The following ADORA2A variants were observed in gnomAD, a reference collection of about 807,000 sequenced individuals.
The protein encoded by ADORA2A is adenosine A2a receptor.
In ADORA2A, 11 loss-of-function variants were observed where a neutral mutation model predicts 18.4. The ratio of observed to expected loss-of-function variants is 0.60; its 90% confidence interval spans 0.38 to 0.99. The LOEUF (loss-of-function observed/expected upper bound fraction) is 0.99. Ranked by LOEUF, ADORA2A falls within the 50% of genes least tolerant of loss-of-function variation. ADORA2A has a pLI of 0.01. For missense variants in ADORA2A, 449 were observed against 556.1 expected (o/e 0.81, Z 1.94); for synonymous variants, 218 against 237.3 (o/e 0.92, Z 0.75).
rs150543676 is a variant in ADORA2A, at chr22:24,436,558, G to A, written c.332+2822G>A. Reference sequence around the variant, plus strand: ...AGCTCTCTGTGTTCCCAGAGGATAGGGAATTCAGGGTGAGAGACACAGGCT... The same window carrying A: ...AGCTCTCTGTGTTCCCAGAGGATAGAGAATTCAGGGTGAGAGACACAGGCT... On this transcript the variant is annotated intron_variant, in intron 2 of 2. Coordinates refer to ENST00000337539, the MANE Select transcript of ADORA2A (RefSeq NM_000675.6). Among the ~76,000 whole-genome samples the A allele has an allele frequency of 3.1e-3, 474 of 152,330 alleles. 3 individuals carry two copies. Among genetic ancestry groups the A allele is most frequent in the African/African-American group, 0.011 (441 of 41,560 alleles).
intron 1 of ADORA2A, chr22:24,430,797 T>C: frequency 3.3e-6 from 1 of 301,002 alleles, no homozygotes; most frequent in Non-Finnish European, 6.6e-6. Flanking sequence ...GGCTGTGGCA[T>C]CCTTCAATGC....
At chr22:24,431,957 C>T (rs1200043818) in intron 1 of ADORA2A, among the ~76,000 whole-genome samples, 1 of 152,172 alleles carries the variant, frequency 6.6e-6, no homozygotes, top group East Asian at 1.9e-4. Context: ...ATTTGGGGTC[C>T]AGCTGCCTCA....
In ADORA2A at chr22:24,441,717, G is replaced by C. The variant is rs2043349169; in HGVS notation, c.*228G>C. ...TTCATGCTGTGAGGCCTTGCACCAG[G>C]TGGGGGCCACAGCACCAGCAGCATC... is the stretch of plus-strand genomic sequence containing the variant. On this transcript the variant is annotated 3_prime_UTR_variant, in exon 3 of 3. Coordinates refer to ENST00000337539, the MANE Select transcript of ADORA2A (RefSeq NM_000675.6). The C allele has an allele frequency of 2.4e-6, 1 of 415,566 alleles. No individual in the cohort carries two copies. Among genetic ancestry groups the C allele is most frequent in the African/African-American group, 2.0e-5 (1 of 49,332 alleles). 25.7% of individuals were successfully genotyped at this position (415,566 alleles called of 1,614,324 possible).
At position 24,441,630 on chromosome 22, in the gene ADORA2A, G is replaced by A. The variant is rs1335608124; in HGVS notation, c.*141G>A. ...TCCTACTTTGGACTGAGAGAAGGGA[G>A]CCCCAGGCTGGAGCAGCATGAGGCC... On this transcript the variant is annotated 3_prime_UTR_variant, in exon 3 of 3. Coordinates refer to ENST00000337539, the MANE Select transcript of ADORA2A (RefSeq NM_000675.6). The A allele has an allele frequency of 5.9e-6, 5 of 854,408 alleles. No individual in the cohort carries two copies. The Admixed American group carries it at 1.1e-4, about 19-fold the overall frequency. The allele number at this position is 854,408 out of a possible 1,614,324, so 52.9% of individuals were successfully genotyped here.
At chr22:24,435,601 G>C (rs1332982516) in intron 2 of ADORA2A, among the ~76,000 whole-genome samples, 3 of 152,168 alleles carry the variant, frequency 2.0e-5, no homozygotes, top group African/African-American at 7.2e-5. Flanking sequence ...GCCTCTCTCT[G>C]GGCCCATTTC....
chr22:24,431,664 T>C (rs1310905678), intron 1 of ADORA2A: 1 of 372,998 alleles, frequency 2.7e-6, no homozygotes, highest in Non-Finnish European at 5.3e-6. Flanking sequence ...AACACACTCA[T>C]AGGGCCCCAT....
At chr22:24,432,164 G>C (rs1218534215) in intron 1 of ADORA2A, 1 of 153,476 alleles carries the variant, frequency 6.5e-6, no homozygotes, top group East Asian at 1.9e-4. Flanking sequence ...CCGAGTGGAA[G>C]CTCACAGTCA....
At chr22:24,439,869 T>A (rs1172098345) in intron 2 of ADORA2A, among the ~76,000 whole-genome samples, 1 of 152,138 alleles carries the variant, frequency 6.6e-6, no homozygotes, top group African/African-American at 2.4e-5. Context: ...TAACAAGTAA[T>A]TCTCTCATTT....
At chr22:24,436,631 G>C (rs577768832) in intron 2 of ADORA2A, among the ~76,000 whole-genome samples, 1 of 152,238 alleles carries the variant, frequency 6.6e-6, no homozygotes, top group South Asian at 2.1e-4. Flanking sequence ...CCCCTCCCTG[G>C]CTCTCACAGC....
chr22:24,431,779 G>A (rs559482510), intron 1 of ADORA2A: 57 of 318,726 alleles, frequency 1.8e-4, no homozygotes, highest in South Asian at 1.4e-3. Flanking sequence ...TCACAGGCTC[G>A]AAGGGGACAC....
At chr22:24,432,228 G>A (rs1188833320) in intron 1 of ADORA2A, 2 of 152,832 alleles carry the variant, frequency 1.3e-5, no homozygotes, top group Admixed American at 1.3e-4. Flanking sequence ...GCACCTGGAG[G>A]CAGCGGGTTC....
rs79151922 is a variant in ADORA2A, at chr22:24,435,363, C to G, written c.332+1627C>G. On this transcript the variant is annotated intron_variant, in intron 2 of 2. Coordinates refer to ENST00000337539, the MANE Select transcript of ADORA2A (RefSeq NM_000675.6). ...AGCACTGGAGGGGACTTCAGGGAAC[C>G]AAGCTGAGTCTGCACACTGATGGGA... 2.2e-3 allele frequency among the ~76,000 whole-genome samples: 333 copies of G among 152,308 alleles called. 7 individuals carry two copies. The East Asian group carries it at 0.038, about 17-fold the overall frequency.
In ADORA2A at chr22:24,441,618, TGA is replaced by T; in HGVS notation, c.*134_*135del. On this transcript the variant is annotated 3_prime_UTR_variant, in exon 3 of 3. Transcript: ENST00000337539. ...AGGGCAGCCGGTTCCTACTTTGGAC[TGA>T]GAGAAGGGAGCCCCAGGCTGGAGCA... The T allele has an allele frequency of 2.1e-6, 2 of 970,402 alleles. No individual in the cohort carries two copies. Among genetic ancestry groups the T allele is most frequent in the Middle Eastern group, 2.6e-4 (1 of 3,798 alleles). The allele number at this position is 970,402 out of a possible 1,614,324, so 60.1% of individuals were successfully genotyped here.
intron 2 of ADORA2A, 66 bp downstream of exon 2, chr22:24,433,802 A>G: frequency 6.7e-7 from 1 of 1,502,394 alleles, no homozygotes; most frequent in Middle Eastern, 1.7e-4. Flanking sequence ...CTGTGCCCGG[A>G]GCCAGGGTGA....
At chr22:24,440,541 C>T (rs1481300229) in intron 2 of ADORA2A, 42 bp from the exon 3 acceptor site, 19 of 1,524,000 alleles carry the variant, frequency 1.2e-5, no homozygotes, top group Non-Finnish European at 1.7e-5. Flanking sequence ...CCCTGCTTAA[C>T]CCTGGCTTCT....
At chr22:24,438,589 C>T (rs1420206507) in intron 2 of ADORA2A, 5 of 152,208 alleles carry the variant, frequency 3.3e-5, no homozygotes, top group Admixed American at 6.5e-5. Flanking sequence ...CAAGCCCCCA[C>T]GGAATGGAGC....
intron 2 of ADORA2A, among the ~76,000 whole-genome samples, chr22:24,438,036 C>T (rs752803125): frequency 2.6e-5 from 4 of 152,286 alleles, no homozygotes; most frequent in African/African-American, 9.6e-5. Flanking sequence ...TCTGCAACAC[C>T]CCTGTGGCTG....
rs1266738077 is a variant in ADORA2A at position 24,431,403 on chromosome 22, G to A, written c.-274-1728G>A. On this transcript the variant is annotated intron_variant, in intron 1 of 2. Transcript: ENST00000337539. ...TGCCAATCCTGTTCCAGCCACTTGA[G>A]GTGCCGACAGCATTGGAGTTGGAGG... 2.0e-5 allele frequency: 9 copies of A among 456,636 alleles called. No homozygotes were observed. The Middle Eastern group carries it at 1.3e-3, about 66-fold the overall frequency. 28.3% of individuals were successfully genotyped at this position (456,636 alleles called of 1,614,324 possible).
chr22:24,440,084 C>T (rs2043297631), intron 2 of ADORA2A, among the ~76,000 whole-genome samples: 2 of 152,136 alleles, frequency 1.3e-5, no homozygotes, highest in African/African-American at 4.8e-5. Flanking sequence ...CTGGTGCTGC[C>T]CCTAGCCAGT....
Sources: gnomAD v4.1 joint callset for allele counts (sites outside exome capture counted in the v4.1 genomes callset) on GRCh38, gnomAD v4.1.1 for gene constraint, MANE v1.5 for transcripts, NCBI Gene and HGNC (gene_info 2026-07-23, HGNC 2026-07-21) for gene names.